Variants in SLC35F4 observed in about 807,000 individuals in gnomAD.
SLC35F4 encodes the protein solute carrier family 35 member F4, also known as chromosome 14 open reading frame 36.
A neutral mutation model predicts 44.2 loss-of-function variants in SLC35F4; 24 were observed. The observed-to-expected ratio is 0.54, with a 90% CI of 0.39 to 0.76. The LOEUF is 0.76. SLC35F4 is among the 30% of genes least tolerant of loss of function. The pLI is 0.00. For missense variants in SLC35F4, 562 were observed against 586.1 expected, an observed-to-expected ratio of 0.96 and a Z score of 0.42; for synonymous variants, 238 against 223.6, an observed-to-expected ratio of 1.06 and a Z score of -0.57.
intron 1 of SLC35F4, among the ~76,000 whole-genome samples, chr14:57,913,619 T>C (rs1889259493): frequency 6.6e-6 from 1 of 152,160 alleles, no homozygotes; most frequent in Non-Finnish European, 1.5e-5. Flanking sequence ...TTAATCATTG[T>C]TGTCATTCAT....
At chr14:57,744,615 T>C (rs2076706383) in intron 1 of SLC35F4, among the ~76,000 whole-genome samples, 1 of 152,144 alleles carries the variant, frequency 6.6e-6, no homozygotes, top group South Asian at 2.1e-4. Flanking sequence ...CGCTCATGGA[T>C]AGGAAGAATC....
intron 1 of SLC35F4, among the ~76,000 whole-genome samples, chr14:57,609,544 T>C (rs906347925): frequency 5.3e-4 from 80 of 152,298 alleles, no homozygotes; most frequent in Non-Finnish European, 1.0e-3. Context: ...TATTCACCCA[T>C]GTGAGGCGAA....
At chr14:57,602,153 TC>T (rs2070859734) in intron 1 of SLC35F4, among the ~76,000 whole-genome samples, 2 of 36,860 alleles carry the variant, frequency 5.4e-5, no homozygotes, top group African/African-American at 8.0e-5. Flanking sequence ...GAGATTAATT[TC>T]AGCCTGGATG....
chr14:57,698,421 A>G (rs1345004871), intron 1 of SLC35F4, among the ~76,000 whole-genome samples: 2 of 152,262 alleles, frequency 1.3e-5, no homozygotes, highest in Non-Finnish European at 2.9e-5. Flanking sequence ...GTCCCCAGAG[A>G]AGGTTTTTGG....
intron 1 of SLC35F4, among the ~76,000 whole-genome samples, chr14:57,756,441 C>T (rs1278164229): frequency 6.6e-6 from 1 of 152,000 alleles, no homozygotes; most frequent in African/African-American, 2.4e-5. Flanking sequence ...AAGCAGAAAA[C>T]ATACTCTGTA....
chr14:57,917,527 C>T (rs1179918866), intron 1 of SLC35F4, among the ~76,000 whole-genome samples: 2 of 151,844 alleles, frequency 1.3e-5, no homozygotes, highest in Admixed American at 1.3e-4. Context: ...TTTTTGCCTT[C>T]AATGTGACTT....
chr14:57,611,059 G>A (rs938640085), intron 1 of SLC35F4, among the ~76,000 whole-genome samples: 1 of 152,192 alleles, frequency 6.6e-6, no homozygotes, highest in South Asian at 2.1e-4. Flanking sequence ...AGGAGATTAT[G>A]GGCAAACTGG....
chr14:57,767,966 A>G (rs2077273324), intron 1 of SLC35F4, among the ~76,000 whole-genome samples: 1 of 152,226 alleles, frequency 6.6e-6, no homozygotes, highest in Non-Finnish European at 1.5e-5. Flanking sequence ...TGAACTAGAT[A>G]ACACAAATAG....
chr14:57,824,071 C>T (rs1222686961), intron 1 of SLC35F4, among the ~76,000 whole-genome samples: 1 of 152,048 alleles, frequency 6.6e-6, no homozygotes, highest in South Asian at 2.1e-4. Context: ...CCTGAAGGAC[C>T]ATTTTCATGC....
intron 1 of SLC35F4, among the ~76,000 whole-genome samples, chr14:57,912,116 TTC>T (rs1331626307): frequency 6.6e-6 from 1 of 151,950 alleles, no homozygotes; most frequent in Non-Finnish European, 1.5e-5. Context: ...TAGCAATATT[TTC>T]TCTTTCATTT....
chr14:57,813,458 T>G (rs1338611376), intron 1 of SLC35F4, among the ~76,000 whole-genome samples: 2 of 152,018 alleles, frequency 1.3e-5, no homozygotes, highest in Non-Finnish European at 2.9e-5. Context: ...GGCATGGCAG[T>G]GTGTGCCTGT....
intron 1 of SLC35F4, among the ~76,000 whole-genome samples, chr14:57,796,823 C>A (rs938229531): frequency 1.3e-5 from 2 of 152,166 alleles, no homozygotes; most frequent in Non-Finnish European, 2.9e-5. Context: ...AACACACATA[C>A]ACACAAACCC....
chr14:57,979,502 C>T (rs1307036259), intron 1 of SLC35F4, among the ~76,000 whole-genome samples: 1 of 152,196 alleles, frequency 6.6e-6, no homozygotes, highest in Non-Finnish European at 1.5e-5. Context: ...TCTTGAGCCA[C>T]AAAACTCTTA....
At chr14:57,679,725 A>G (rs1377459143) in intron 1 of SLC35F4, among the ~76,000 whole-genome samples, 3 of 152,130 alleles carry the variant, frequency 2.0e-5, no homozygotes, top group Admixed American at 1.3e-4. Context: ...ACAAACTACC[A>G]TCAGAGAATA....
intron 1 of SLC35F4, among the ~76,000 whole-genome samples, chr14:57,855,451 C>T (rs1353711986): frequency 6.6e-6 from 1 of 152,208 alleles, no homozygotes; most frequent in Non-Finnish European, 1.5e-5. Flanking sequence ...CTCACCATCA[C>T]TGGTCATTAG....
intron 1 of SLC35F4, among the ~76,000 whole-genome samples, chr14:57,624,856 T>A (rs1362558573): frequency 2.0e-5 from 3 of 152,136 alleles, no homozygotes; most frequent in African/African-American, 4.8e-5. Context: ...TCATACTGAA[T>A]GGGTAAAAGC....
At chr14:57,793,512 T>G (rs1469902717) in intron 1 of SLC35F4, among the ~76,000 whole-genome samples, 1 of 152,198 alleles carries the variant, frequency 6.6e-6, no homozygotes, top group Non-Finnish European at 1.5e-5. Flanking sequence ...TTTCTGTTCC[T>G]GAGTTACTCA....
At chr14:57,816,037 T>C (rs1882536157) in intron 1 of SLC35F4, among the ~76,000 whole-genome samples, 1 of 152,138 alleles carries the variant, frequency 6.6e-6, no homozygotes. Flanking sequence ...GGGTCTGGCC[T>C]AAAGCAGGGC....
intron 1 of SLC35F4, among the ~76,000 whole-genome samples, chr14:57,658,678 T>G (rs1383012239): frequency 6.6e-6 from 1 of 152,184 alleles, no homozygotes; most frequent in Non-Finnish European, 1.5e-5. Flanking sequence ...GATATGGCTC[T>G]CGTTGCCAAG....
Sources: gnomAD v4.1 joint callset for allele counts (sites outside exome capture counted in the v4.1 genomes callset) on GRCh38, gnomAD v4.1.1 for gene constraint, MANE v1.5 for transcripts, NCBI Gene and HGNC (gene_info 2026-07-23, HGNC 2026-07-21) for gene names.